The following SLC35F1 variants were observed in gnomAD, a reference collection of about 807,000 sequenced individuals.
SLC35F1 encodes the protein chromosome 6 open reading frame 169.
In SLC35F1, 14 loss-of-function variants were observed where a neutral mutation model predicts 48.7. The observed-to-expected ratio is 0.29, with a 90% CI of 0.19 to 0.45. The LOEUF is 0.45. Among genes scored for constraint, SLC35F1 ranks in the 20% least tolerant of loss-of-function variants. SLC35F1 has a pLI of 1.00. For synonymous variants in SLC35F1, 190 were observed against 202.2 expected, an observed-to-expected ratio of 0.94 and a Z score of 0.51; for missense variants, 404 against 500.0, an observed-to-expected ratio of 0.81 and a Z score of 1.83.
At chr6:118,124,845 A>T (rs180813921) in intron 1 of SLC35F1, among the ~76,000 whole-genome samples, 2 of 152,290 alleles carry the variant, frequency 1.3e-5, no homozygotes, top group Admixed American at 6.5e-5. Flanking sequence ...TTAAAGTTAC[A>T]ATTTTAAATG....
At chr6:117,973,452 C>T (rs924219546) in intron 1 of SLC35F1, among the ~76,000 whole-genome samples, 6 of 152,072 alleles carry the variant, frequency 3.9e-5, no homozygotes, top group Admixed American at 2.6e-4. Context: ...ACTGAAGGTT[C>T]GTAGACATTT....
intron 2 of SLC35F1, among the ~76,000 whole-genome samples, chr6:118,227,822 T>G (rs1582740420): frequency 6.6e-6 from 1 of 152,200 alleles, no homozygotes; most frequent in Admixed American, 6.5e-5. Flanking sequence ...ACATTTAGAC[T>G]GGATCTTGAA....
intron 1 of SLC35F1, among the ~76,000 whole-genome samples, chr6:117,963,927 T>G (rs1043453699): frequency 6.6e-6 from 1 of 152,202 alleles, no homozygotes; most frequent in African/African-American, 2.4e-5. Flanking sequence ...ACCTAGGTAT[T>G]AAGCCCCACA....
At chr6:118,068,505 G>A (rs756230719) in intron 1 of SLC35F1, among the ~76,000 whole-genome samples, 1 of 152,084 alleles carries the variant, frequency 6.6e-6, no homozygotes, top group Admixed American at 6.6e-5. Flanking sequence ...GAAACAAATG[G>A]TTTTTCATTT....
intron 1 of SLC35F1, among the ~76,000 whole-genome samples, chr6:118,089,707 T>C (rs559526243): frequency 6.6e-6 from 1 of 152,304 alleles, no homozygotes; most frequent in South Asian, 2.1e-4. Flanking sequence ...TGGATCTATT[T>C]TCATGCCTTT....
intron 7 of SLC35F1, 94 bp from the exon 8 acceptor site, chr6:118,313,931 GAGA>G (rs1776400049): frequency 3.6e-6 from 4 of 1,116,334 alleles, no homozygotes; most frequent in African/African-American, 1.5e-5. Flanking sequence ...TGCCTGTTCT[GAGA>G]AGAAGCAGCT....
intron 1 of SLC35F1, among the ~76,000 whole-genome samples, chr6:118,137,061 G>A (rs1178429001): frequency 1.3e-5 from 2 of 152,150 alleles, no homozygotes; most frequent in Non-Finnish European, 2.9e-5. Context: ...CATGTGAATA[G>A]AGCTCTGCTT....
At chr6:117,965,867 A>G (rs1187578938) in intron 1 of SLC35F1, among the ~76,000 whole-genome samples, 5 of 152,134 alleles carry the variant, frequency 3.3e-5, no homozygotes, top group African/African-American at 7.2e-5. Flanking sequence ...AAATGCACCA[A>G]TCAGCGCTAT....
rs1193894899 is a variant in SLC35F1 at position 117,925,405 on chromosome 6, T to A, written c.173+17506T>A. 4.6e-5 allele frequency among the ~76,000 whole-genome samples: 7 copies of A among 152,294 alleles called. 1 individual carries two copies. In the South Asian group the frequency reaches 1.4e-3, roughly 32 times the overall value. On this transcript the variant is annotated intron_variant, in intron 1 of 7. Coordinates refer to ENST00000360388, the MANE Select transcript of SLC35F1 (RefSeq NM_001029858.4). ...ACCATGAAGGAAACCAGCAGTAGGATGTTACTAATGCTAAGGACAGCAGAG... is the reference window on the plus strand; with the variant it reads ...ACCATGAAGGAAACCAGCAGTAGGAAGTTACTAATGCTAAGGACAGCAGAG...
chr6:118,133,510 T>C (rs1180293605), intron 1 of SLC35F1, among the ~76,000 whole-genome samples: 1 of 152,190 alleles, frequency 6.6e-6, no homozygotes, highest in African/African-American at 2.4e-5. Context: ...ATCATATTGA[T>C]AGAATAAAAT....
intron 1 of SLC35F1, among the ~76,000 whole-genome samples, chr6:117,912,629 T>A (rs944958318): frequency 2.0e-5 from 3 of 150,888 alleles, no homozygotes; most frequent in African/African-American, 7.3e-5. Context: ...TATAAAATAT[T>A]CCAAGTGGAA....
chr6:117,991,009 A>G lies in SLC35F1; in HGVS notation c.173+83110A>G, dbSNP rs7745245. ...AAAGTGAGTGGTTTGCCAGTTCTTA[A>G]TTTTTTTCTGATTAGAAAACTAAGT... On this transcript the variant is annotated intron_variant, in intron 1 of 7. Coordinates refer to ENST00000360388, the MANE Select transcript of SLC35F1 (RefSeq NM_001029858.4). Among the ~76,000 whole-genome samples the G allele has an allele frequency of 6.4e-3, 982 of 152,264 alleles. 12 individuals carry two copies. The highest frequency in any genetic ancestry group is 0.022 in the African/African-American group (929 of 41,556).
At chr6:118,056,681 C>T (rs1056225970) in intron 1 of SLC35F1, among the ~76,000 whole-genome samples, 4 of 152,100 alleles carry the variant, frequency 2.6e-5, no homozygotes, top group Admixed American at 2.0e-4. Context: ...TATTCTAGTT[C>T]GGTGAACCCA....
chr6:118,296,934 C>A (rs1776193953), intron 7 of SLC35F1, among the ~76,000 whole-genome samples: 1 of 150,882 alleles, frequency 6.6e-6, no homozygotes, highest in Admixed American at 6.6e-5. Flanking sequence ...TTCCATGGAC[C>A]AGAATATTAA....
intron 7 of SLC35F1, among the ~76,000 whole-genome samples, chr6:118,305,674 A>G (rs1776304153): frequency 6.6e-6 from 1 of 152,230 alleles, no homozygotes; most frequent in Non-Finnish European, 1.5e-5. Flanking sequence ...ATTATGATAT[A>G]AAGTCAATAT....
intron 2 of SLC35F1, among the ~76,000 whole-genome samples, chr6:118,166,266 A>G (rs1774315981): frequency 6.6e-6 from 1 of 152,156 alleles, no homozygotes. Flanking sequence ...TCATTTGAGA[A>G]GGGGAGAAGG....
At chr6:118,176,725 G>A (rs73523961) in intron 2 of SLC35F1, among the ~76,000 whole-genome samples, 16,366 of 152,048 alleles carry the variant, frequency 0.11, 2,756 homozygotes, top group African/African-American at 0.36. Context: ...TTCATTTTGT[G>A]TGTTTGTTTT....
intron 3 of SLC35F1, among the ~76,000 whole-genome samples, chr6:118,252,574 G>A (rs540469220): frequency 5.5e-4 from 84 of 152,212 alleles, no homozygotes; most frequent in African/African-American, 2.0e-3. Flanking sequence ...CTTGGTATAG[G>A]TGGCTGAGTA....
chr6:118,112,274 A>G (rs2991964), intron 1 of SLC35F1, among the ~76,000 whole-genome samples: 10,453 of 152,040 alleles, frequency 0.069, 988 homozygotes, highest in African/African-American at 0.21. Flanking sequence ...GATGAGAACA[A>G]AGGCATTTCT....
Sources: allele counts gnomAD v4.1 joint callset (sites outside exome capture counted in the v4.1 genomes callset), GRCh38; gene constraint gnomAD v4.1.1; transcripts MANE v1.5; gene names NCBI Gene and HGNC (gene_info 2026-07-23, HGNC 2026-07-21).